PCDH15: variants seen among roughly 807,000 people sequenced by gnomAD.
PCDH15 encodes protocadherin related 15.
Under a neutral mutation model 178.5 loss-of-function variants are expected in PCDH15, and 129 were observed. That is an observed-to-expected ratio of 0.72 (90% CI 0.63 to 0.84). The LOEUF (loss-of-function observed/expected upper bound fraction) is 0.84. PCDH15 is among the 40% of genes least tolerant of loss of function. The probability of loss-of-function intolerance (pLI) is 0.00; values close to 1 mark genes in which losing one functional copy is unlikely to be tolerated. For missense variants in PCDH15, 2,230 were observed against 2,099.9 expected (o/e 1.06, Z -1.21); for synonymous variants, 800 against 732.0 (o/e 1.09, Z -1.50).
At chr10:54,672,433 C>T (rs1056860133) in intron 1 of PCDH15, among the ~76,000 whole-genome samples, 3 of 151,984 alleles carry the variant, frequency 2.0e-5, no homozygotes, top group African/African-American at 7.2e-5. Flanking sequence ...CAAGATATCA[C>T]TTTATTGTTT....
chr10:54,723,444 C>T (rs532016928), intron 1 of PCDH15, among the ~76,000 whole-genome samples: 11 of 151,738 alleles, frequency 7.2e-5, no homozygotes, highest in Admixed American at 6.6e-4. Context: ...CTATAAAATC[C>T]TACAAGAAAA....
At chr10:55,460,965 A>G (rs1318900967) in intron 2 of PCDH15, among the ~76,000 whole-genome samples, 1 of 152,102 alleles carries the variant, frequency 6.6e-6, no homozygotes, top group Non-Finnish European at 1.5e-5. Context: ...CTGAAGCAAG[A>G]GTGTTCTGTG....
At chr10:55,192,660 A>C (rs1412178022) in intron 1 of PCDH15, among the ~76,000 whole-genome samples, 1 of 151,642 alleles carries the variant, frequency 6.6e-6, no homozygotes, top group Admixed American at 6.6e-5. Flanking sequence ...TGCTTATTTC[A>C]CTAAACATTT....
chr10:54,197,567 G>T (rs1327445375), intron 10 of PCDH15, among the ~76,000 whole-genome samples: 1 of 151,968 alleles, frequency 6.6e-6, no homozygotes, highest in African/African-American at 2.4e-5. Flanking sequence ...TTAAACTCTG[G>T]TGTGATTTTC....
intron 2 of PCDH15, among the ~76,000 whole-genome samples, chr10:54,959,471 A>C (rs1375141454): frequency 6.6e-6 from 1 of 151,988 alleles, no homozygotes; most frequent in African/African-American, 2.4e-5. Context: ...GGAACAGGAA[A>C]ATTTTAAGGT....
At chr10:55,197,276 A>G (rs1031670390) in intron 1 of PCDH15, among the ~76,000 whole-genome samples, 4 of 152,088 alleles carry the variant, frequency 2.6e-5, no homozygotes, top group African/African-American at 9.7e-5. Context: ...AAGAGAAAAA[A>G]GTAACTTGCA....
chr10:53,808,854 C>T lies in PCDH15; in HGVS notation c.4671+1702G>A, dbSNP rs370313045. 8 of 1,608,688 alleles carry T rather than the reference C, an allele frequency of 5.0e-6. No homozygotes were observed. The African/African-American group carries it at 1.1e-4, about 22-fold the overall frequency. ...CTGATTCTGATTCCTCCTCACTTTCCACACCTCCTTCCACCGAAGCTGATT... is the reference window on the plus strand; with the variant it reads ...CTGATTCTGATTCCTCCTCACTTTCTACACCTCCTTCCACCGAAGCTGATT... On this transcript the variant is annotated intron_variant, in intron 37 of 37. Transcript: ENST00000644397.
At chr10:55,015,788 C>A (rs760722242) in intron 2 of PCDH15, among the ~76,000 whole-genome samples, 1 of 152,088 alleles carries the variant, frequency 6.6e-6, no homozygotes, top group African/African-American at 2.4e-5. Flanking sequence ...TGTTTTATGT[C>A]CCCTGAACCT....
intron 2 of PCDH15, among the ~76,000 whole-genome samples, chr10:55,390,959 G>A (rs909754723): frequency 2.8e-4 from 42 of 152,178 alleles, no homozygotes; most frequent in African/African-American, 8.7e-4. Context: ...TTTTCAGAAT[G>A]GCAAGTGTGC....
intron 13 of PCDH15, among the ~76,000 whole-genome samples, chr10:54,166,732 C>T (rs59762003): frequency 0.26 from 39,906 of 151,672 alleles, 5,462 homozygotes; most frequent in South Asian, 0.29. Context: ...TGCACTTATA[C>T]GCCCAGATGG....
chr10:55,438,807 A>T (rs551514852), intron 2 of PCDH15, among the ~76,000 whole-genome samples: 2 of 151,916 alleles, frequency 1.3e-5, no homozygotes, highest in East Asian at 1.9e-4. Context: ...CCTTCCTGAA[A>T]TGGGGTCAGG....
At chr10:54,413,245 A>G (rs1953824447) in intron 3 of PCDH15, among the ~76,000 whole-genome samples, 2 of 152,148 alleles carry the variant, frequency 1.3e-5, no homozygotes, top group Non-Finnish European at 2.9e-5. Flanking sequence ...TTTAATGATA[A>G]TAATACATGG....
chr10:54,479,771 A>T (rs2136899669), intron 3 of PCDH15, among the ~76,000 whole-genome samples: 1 of 152,152 alleles, frequency 6.6e-6, no homozygotes, highest in Middle Eastern at 3.4e-3. Context: ...AAAATGAGGG[A>T]TTTGAAAAAA....
intron 2 of PCDH15, among the ~76,000 whole-genome samples, chr10:54,996,316 A>T (rs192070402): frequency 1.4e-4 from 22 of 152,260 alleles, no homozygotes; most frequent in African/African-American, 5.3e-4. Flanking sequence ...TTTTGTAGGT[A>T]CCAGATAGCT....
chr10:55,092,634 T>C (rs1384189190), intron 2 of PCDH15, among the ~76,000 whole-genome samples: 1 of 151,880 alleles, frequency 6.6e-6, no homozygotes, highest in Non-Finnish European at 1.5e-5. Context: ...CTTAATTGAC[T>C]TGAGAAGAAA....
chr10:55,040,017 G>C (rs930782536), intron 2 of PCDH15, among the ~76,000 whole-genome samples: 1 of 151,930 alleles, frequency 6.6e-6, no homozygotes, highest in Non-Finnish European at 1.5e-5. Flanking sequence ...ACAAATGGCT[G>C]TAAACAGAAT....
intron 13 of PCDH15, among the ~76,000 whole-genome samples, chr10:54,175,863 T>C (rs914312630): frequency 6.6e-6 from 1 of 152,168 alleles, no homozygotes; most frequent in East Asian, 1.9e-4. Flanking sequence ...ACCTATGATA[T>C]AGAATAACTA....
At chr10:55,254,976 A>C (rs561721488) in intron 1 of PCDH15, among the ~76,000 whole-genome samples, 18 of 151,958 alleles carry the variant, frequency 1.2e-4, no homozygotes, top group African/African-American at 4.1e-4. Flanking sequence ...TTATACTTTA[A>C]GTTTTAGGGT....
chr10:55,398,945 A>T (rs866889818), intron 2 of PCDH15, among the ~76,000 whole-genome samples: 1 of 152,174 alleles, frequency 6.6e-6, no homozygotes, highest in Admixed American at 6.6e-5. Context: ...AAAATGACAC[A>T]TACATATATG....
Sources: allele counts gnomAD v4.1 joint callset (sites outside exome capture counted in the v4.1 genomes callset), GRCh38; gene constraint gnomAD v4.1.1; transcripts MANE v1.5; gene names NCBI Gene and HGNC (gene_info 2026-07-23, HGNC 2026-07-21).